ZBTB7A: variants seen among roughly 807,000 people sequenced by gnomAD.
ZBTB7A encodes the protein zinc finger and BTB domain containing 7A, also known as zinc finger and BTB domain-containing protein 7A.
In ZBTB7A, 7 loss-of-function variants were observed where a neutral mutation model predicts 26.7. The ratio of observed to expected loss-of-function variants is 0.26; its 90% CI spans 0.15 to 0.49. The LOEUF is 0.49. Ranked by LOEUF, ZBTB7A falls within the 20% of genes least tolerant of loss-of-function variation. The probability of loss-of-function intolerance (pLI) is 0.98; values close to 1 mark genes in which losing one functional copy is unlikely to be tolerated. For synonymous variants in ZBTB7A, 452 were observed against 441.0 expected (o/e 1.02, Z -0.31); for missense variants, 617 against 919.5 (o/e 0.67, Z 4.25).
At chr19:4,050,140 G>C (rs1199641443) in intron 2 of ZBTB7A, among the ~76,000 whole-genome samples, 1 of 152,092 alleles carries the variant, frequency 6.6e-6, no homozygotes, top group African/African-American at 2.4e-5. Context: ...GGCCGGGCTG[G>C]TCTCGGACTC....
rs1488954670 is a variant in ZBTB7A, at chr19:4,047,600, C to A, written c.*152G>T. On this transcript the variant is annotated 3_prime_UTR_variant, in exon 3 of 3. Transcript: ENST00000322357. ...CGCTACCCTAGATTCTGTGACGCGT[C>A]ATATATATATATCTGTATATATATA... 2 of 586,994 alleles carry A rather than the reference C, an allele frequency of 3.4e-6. No individual in the cohort carries two copies. The highest frequency in any genetic ancestry group is 2.5e-6 in the Non-Finnish European group (1 of 402,892). 36.4% of individuals were successfully genotyped at this position (586,994 alleles called of 1,614,324 possible).
Position 4,045,870 on chromosome 19 carries a change from C to T in ZBTB7A, c.*1882G>A. ...GGTCCCAGTCCCCCTGGATTACAGTCAGTGCCTTTGAGTAAAAAGAGGGGT... is the reference window on the plus strand; with the variant it reads ...GGTCCCAGTCCCCCTGGATTACAGTTAGTGCCTTTGAGTAAAAAGAGGGGT... On this transcript the variant is annotated 3_prime_UTR_variant, in exon 3 of 3. Coordinates refer to ENST00000322357, the MANE Select transcript of ZBTB7A (RefSeq NM_015898.4). The surrounding 1 kb of genome is among the most constrained non-coding windows in gnomAD (Gnocchi z 4.1). 2.5e-6 allele frequency: 1 copy of T among 398,692 alleles called. No individual in the cohort carries two copies. Among genetic ancestry groups the T allele is most frequent in the Non-Finnish European group, 4.4e-6 (1 of 226,080 alleles). The allele number at this position is 398,692 out of a possible 1,614,324, so 24.7% of individuals were successfully genotyped here.
At position 4,050,290 on chromosome 19, in the gene ZBTB7A, A is replaced by C. The variant is rs1428864090; in HGVS notation, c.1263-2046T>G. 4.6e-5 allele frequency among the ~76,000 whole-genome samples: 7 copies of C among 152,000 alleles called. No homozygotes were observed. In the East Asian group the frequency reaches 1.4e-3, roughly 29 times the overall value. On this transcript the variant is annotated intron_variant, in intron 2 of 2. Coordinates refer to ENST00000322357, the MANE Select transcript of ZBTB7A (RefSeq NM_015898.4). ...TGGCTGGGCTGGTCTTGAACTCCTG[A>C]CCTCAAGTGATCCGCCTGCCTCGGC...
In ZBTB7A at chr19:4,066,077, C is replaced by T. The variant is rs1469228691; in HGVS notation, c.-16+605G>A. Among the ~76,000 whole-genome samples, 6 of 150,578 alleles carry T rather than the reference C, an allele frequency of 4.0e-5. No individual in the cohort carries two copies. In the South Asian group the frequency reaches 8.3e-4, roughly 21 times the overall value. ...TGTAGTCCAAGCCGCTTGCCACCTG[C>T]CGGCTGCAAACGGCGGAGGGACTAC... On this transcript the variant is annotated intron_variant, in intron 1 of 2. Coordinates refer to ENST00000322357, the MANE Select transcript of ZBTB7A (RefSeq NM_015898.4).
intron 1 of ZBTB7A, among the ~76,000 whole-genome samples, chr19:4,056,928 GA>G (rs897073653): frequency 6.6e-6 from 1 of 151,074 alleles, no homozygotes; most frequent in African/African-American, 2.4e-5. Flanking sequence ...TCAGGACGCT[GA>G]GGCAGAAGAA....
chr19:4,047,522 C>T lies in ZBTB7A; in HGVS notation c.*230G>A, dbSNP rs888239688. On this transcript the variant is annotated 3_prime_UTR_variant, in exon 3 of 3. Transcript: ENST00000322357. ...GGGGGGAAGGGGAGCCAGGGAGGGC[C>T]GGGGCCCCTGCGGAGGGAGAAAAAC... is the stretch of plus-strand genomic sequence containing the variant. The T allele has an allele frequency of 6.9e-6, 2 of 287,896 alleles. No homozygotes were observed. The highest frequency in any genetic ancestry group is 1.3e-4 in the South Asian group (1 of 7,980). 17.8% of individuals were successfully genotyped at this position (287,896 alleles called of 1,614,324 possible).
intron 1 of ZBTB7A, among the ~76,000 whole-genome samples, chr19:4,064,838 G>A (rs930934966): frequency 5.3e-5 from 8 of 152,010 alleles, no homozygotes; most frequent in Admixed American, 3.3e-4. Flanking sequence ...CCGCCTCGCC[G>A]CCAACTCCTG....
In ZBTB7A at chr19:4,047,003, G is replaced by C. The variant is rs1470013443; in HGVS notation, c.*749C>G. ...TAAGTGCCGTGAAGGAAGGCGGCAG[G>C]AGCACCCCCAGGAGCCATCCTGGCG... On this transcript the variant is annotated 3_prime_UTR_variant, in exon 3 of 3. Coordinates refer to ENST00000322357, the MANE Select transcript of ZBTB7A (RefSeq NM_015898.4). 1 of 151,836 alleles carries C rather than the reference G, an allele frequency of 6.6e-6. No homozygotes were observed. The highest frequency in any genetic ancestry group is 2.4e-5 in the African/African-American group (1 of 41,308). 9.4% of individuals were successfully genotyped at this position (151,836 alleles called of 1,614,324 possible). A position where few individuals can be genotyped will look rare whatever the true frequency, so the allele number is the denominator to read the frequency against.
chr19:4,058,243 C>G (rs1010141497), intron 1 of ZBTB7A, among the ~76,000 whole-genome samples: 1 of 152,208 alleles, frequency 6.6e-6, no homozygotes, highest in Non-Finnish European at 1.5e-5. Flanking sequence ...GGGGGAACCC[C>G]TGTCCACCTC....
intron 2 of ZBTB7A, among the ~76,000 whole-genome samples, chr19:4,049,185 T>TATATATATATAC (rs2040468932): frequency 8.0e-5 from 2 of 25,060 alleles, no homozygotes; most frequent in African/African-American, 1.6e-4. Context: ...TATATATATA[T>TATATATATATAC]ATATATATAT....
At position 4,054,632 on chromosome 19, in the gene ZBTB7A, C is replaced by T. The variant is rs1247550842; in HGVS notation, c.601G>A (p.Ala201Thr). 7 of 1,594,834 alleles carry T rather than the reference C, an allele frequency of 4.4e-6. No individual in the cohort carries two copies. The highest frequency in any genetic ancestry group is 5.1e-6 in the Non-Finnish European group (6 of 1,172,870). ...ACGGCGGCCACAGCGGCGGCCACGGCCTCCTTGGTGGCATCCAGGTCATCA... is the reference window on the plus strand; with the variant it reads ...ACGGCGGCCACAGCGGCGGCCACGGTCTCCTTGGTGGCATCCAGGTCATCA... ...SDDDLDATKEAVAAAVAAVAA... is the reference protein window; with the variant it reads ...SDDDLDATKETVAAAVAAVAA... Residue 201 changes from alanine to threonine, a missense_variant, in exon 2 of 3, where the codon GCC becomes ACC. This residue lies in a region of ZBTB7A where 331 missense variants were observed against 391.3 expected (regional missense o/e 0.85). Transcript: ENST00000322357.
Position 4,048,953 on chromosome 19 carries a change from C to T in ZBTB7A, c.1263-709G>A, listed in dbSNP as rs1555692221. Among the ~76,000 whole-genome samples, 1 of 140,822 alleles carries T rather than the reference C, an allele frequency of 7.1e-6. No individual in the cohort carries two copies. The highest frequency in any genetic ancestry group is 1.5e-5 in the Non-Finnish European group (1 of 65,310). 92.4% of individuals were successfully genotyped at this position (140,822 alleles called of 152,430 possible). On this transcript the variant is annotated intron_variant, in intron 2 of 2. Transcript: ENST00000322357. This position sits in a 1 kb window ranked among gnomAD's most constrained non-coding sequence, Gnocchi z 6.7. ...AGATCACGCCACTGCCCTCCAACCT[C>T]GGTGACAGAATGAGACTGTCTCCAA...
chr19:4,063,641 G>A (rs2040661922), intron 1 of ZBTB7A, among the ~76,000 whole-genome samples: 1 of 152,190 alleles, frequency 6.6e-6, no homozygotes, highest in Non-Finnish European at 1.5e-5. Context: ...TTGCAGGCAG[G>A]TGCCTGCAGT....
intron 1 of ZBTB7A, among the ~76,000 whole-genome samples, chr19:4,063,094 T>TGGG (rs2040656173): frequency 6.6e-6 from 1 of 151,992 alleles, no homozygotes. Context: ...AGGTGACAGG[T>TGGG]GGGGGTGCAG....
At position 4,054,181 on chromosome 19, in the gene ZBTB7A, TAG is replaced by T; in HGVS notation, c.1050_1051del (p.Asp350GlufsTer189). ...GGCGCCGCTGAAGTACTTCAGGTAGTAGTCCATGACGCCCTTGTCGTCGGCCC... is the reference window on the plus strand; with the variant it reads ...GGCGCCGCTGAAGTACTTCAGGTAGTTCCATGACGCCCTTGTCGTCGGCCC... On this transcript the variant is annotated frameshift_variant, in exon 2 of 3. Coordinates refer to ENST00000322357, the MANE Select transcript of ZBTB7A (RefSeq NM_015898.4). LOFTEE classifies it high-confidence loss of function. 1.3e-6 allele frequency: 2 copies of T among 1,599,030 alleles called. No homozygotes were observed. Among genetic ancestry groups the T allele is most frequent in the Non-Finnish European group, 1.7e-6 (2 of 1,178,614 alleles).
At position 4,047,270 on chromosome 19, in the gene ZBTB7A, A is replaced by AT. The variant is rs1370324167; in HGVS notation, c.*481dup. 1.3e-5 allele frequency: 2 copies of AT among 152,186 alleles called. No individual in the cohort carries two copies. Among genetic ancestry groups the AT allele is most frequent in the African/African-American group, 4.8e-5 (2 of 41,412 alleles). The allele number at this position is 152,186 out of a possible 1,614,324, so 9.4% of individuals were successfully genotyped here. Reference sequence around the variant, plus strand: ...CGTCCGCTCAGAGCAGACAGAAATCATTTAAGGTCTTGTCTGAAAGACTCA... The same window carrying AT: ...CGTCCGCTCAGAGCAGACAGAAATCATTTTAAGGTCTTGTCTGAAAGACTCA... On this transcript the variant is annotated 3_prime_UTR_variant, in exon 3 of 3. Transcript: ENST00000322357.
chr19:4,055,408 C>T, intron 1 of ZBTB7A, 161 bp from the exon 2 acceptor site: 5 of 985,462 alleles, frequency 5.1e-6, no homozygotes, highest in Non-Finnish European at 6.0e-6. Context: ...CGCGCCTTTC[C>T]AGCCCCAGCT....
rs552807420 is a variant in ZBTB7A at position 4,054,373 on chromosome 19, G to A, written c.860C>T (p.Ala287Val). Residue 287 changes from alanine to valine, a missense_variant, in exon 2 of 3, where the codon GCC (alanine) becomes GTC (valine). This residue lies in a region of ZBTB7A where 331 missense variants were observed against 391.3 expected (regional missense o/e 0.85). Transcript: ENST00000322357. ...GCCCGGAGAGTCGCCCGGCTCGGGG[G>A]CCGCCTCCGACAGCGAGGCGGCCTC... ...EEEAASLSEA[A>V]PEPGDSPGFL... The A allele has an allele frequency of 3.8e-4, 553 of 1,446,214 alleles. 5 individuals carry two copies. The East Asian group carries it at 9.9e-3, about 26-fold the overall frequency. 89.6% of individuals were successfully genotyped at this position (1,446,214 alleles called of 1,614,324 possible).
rs2040454411 is a variant in ZBTB7A at position 4,048,545 on chromosome 19, T to C, written c.1263-301A>G. 1.3e-5 allele frequency among the ~76,000 whole-genome samples: 2 copies of C among 151,950 alleles called. No individual in the cohort carries two copies. The highest frequency in any genetic ancestry group is 4.1e-4 in the South Asian group (2 of 4,828). ...TTTTTTAACTTTTTAAGAGACAAAG[T>C]CTAGGCCAGGCGCGGAGGCTCAGGC... On this transcript the variant is annotated intron_variant, in intron 2 of 2. Transcript: ENST00000322357. This position sits in a 1 kb window ranked among gnomAD's most constrained non-coding sequence, Gnocchi z 6.7.
Sources: allele counts gnomAD v4.1 joint callset (sites outside exome capture counted in the v4.1 genomes callset), GRCh38; gene constraint gnomAD v4.1.1; regional missense constraint gnomAD v4.1.1; non-coding constraint Gnocchi (gnomAD v3.1); transcripts MANE v1.5; gene names NCBI Gene and HGNC (gene_info 2026-07-23, HGNC 2026-07-21).